Variants in PIGK observed in about 807,000 individuals in gnomAD.
PIGK encodes phosphatidylinositol glycan anchor biosynthesis class K.
A neutral mutation model predicts 50.6 loss-of-function variants in PIGK; 42 were observed. The ratio of observed to expected loss-of-function variants is 0.83; its 90% CI spans 0.65 to 1.07. The LOEUF (loss-of-function observed/expected upper bound fraction) is 1.07, where lower values mean the gene tolerates loss of function less well. PIGK is among the 50% of genes least tolerant of loss of function. PIGK has a pLI of 0.00. For synonymous variants in PIGK, 151 were observed against 156.0 expected (o/e 0.97, Z 0.24); for missense variants, 448 against 488.7 (o/e 0.92, Z 0.78).
At chr1:77,105,165 C>T (rs1165541780) in intron 10 of PIGK, among the ~76,000 whole-genome samples, 2 of 152,028 alleles carry the variant, frequency 1.3e-5, no homozygotes, top group African/African-American at 4.8e-5. Context: ...ACAGAAATGG[C>T]ATGTCATCTT....
intron 10 of PIGK, among the ~76,000 whole-genome samples, chr1:77,110,968 A>C (rs1019005259): frequency 7.9e-5 from 12 of 152,322 alleles, no homozygotes; most frequent in African/African-American, 2.9e-4. Flanking sequence ...ACACTTCTCA[A>C]AAGAAGATAT....
intron 9 of PIGK, among the ~76,000 whole-genome samples, chr1:77,130,182 G>T (rs1570206641): frequency 3.1e-5 from 4 of 130,818 alleles, no homozygotes; most frequent in Admixed American, 7.8e-5. Context: ...AACTTTGTTT[G>T]CATTGTCTTT....
intron 3 of PIGK, among the ~76,000 whole-genome samples, chr1:77,186,643 G>A (rs1056706705): frequency 4.6e-5 from 7 of 152,112 alleles, no homozygotes; most frequent in South Asian, 2.1e-4. Context: ...ATGAGGACCC[G>A]TTCTGTGGAC....
chr1:77,166,692 T>C (rs769087148), intron 5 of PIGK, 27 bp downstream of exon 5: 7 of 1,128,920 alleles, frequency 6.2e-6, no homozygotes, highest in Middle Eastern at 2.0e-4. Flanking sequence ...TATACTCTAC[T>C]ATAAAAACTC....
intron 3 of PIGK, among the ~76,000 whole-genome samples, chr1:77,198,003 G>A (rs1656075120): frequency 6.6e-6 from 1 of 152,030 alleles, no homozygotes; most frequent in South Asian, 2.1e-4. Context: ...AGTTTGCTGA[G>A]TTATCCTCAA....
intron 9 of PIGK, among the ~76,000 whole-genome samples, chr1:77,137,830 C>T (rs1363166645): frequency 6.6e-6 from 1 of 152,210 alleles, no homozygotes; most frequent in African/African-American, 2.4e-5. Context: ...TCGTGAACTA[C>T]TAACCTCAAG....
intron 6 of PIGK, 45 bp from the exon 7 acceptor site, chr1:77,161,756 A>G (rs1353445299): frequency 3.8e-6 from 3 of 795,696 alleles, no homozygotes; most frequent in Non-Finnish European, 6.8e-6. Context: ...CATGCTGTAA[A>G]TCATACACTA....
At position 77,206,555 on chromosome 1, in the gene PIGK, G is replaced by T. The variant is rs1291562576; in HGVS notation, c.239+85C>A. On this transcript the variant is annotated intron_variant, in intron 3 of 10. Coordinates refer to ENST00000370812, the MANE Select transcript of PIGK (RefSeq NM_005482.3). ...ATTTTTTTTTTTACCTTTTTCAAAA[G>T]TAACACAAAATACAAATATAATAAC... is the stretch of plus-strand genomic sequence containing the variant. 3.8e-6 allele frequency: 3 copies of T among 789,232 alleles called. No individual in the cohort carries two copies. In the African/African-American group the frequency reaches 5.3e-5, roughly 14 times the overall value. 48.9% of individuals were successfully genotyped at this position (789,232 alleles called of 1,614,324 possible).
intron 9 of PIGK, among the ~76,000 whole-genome samples, chr1:77,136,386 G>A (rs910937905): frequency 6.6e-6 from 1 of 151,494 alleles, no homozygotes; most frequent in East Asian, 1.9e-4. Flanking sequence ...AAAATTAGCC[G>A]GGCGTAGTGG....
At chr1:77,169,165 A>C (rs905850421) in intron 4 of PIGK, 95 bp downstream of exon 4, 1 of 773,336 alleles carries the variant, frequency 1.3e-6, no homozygotes, top group Non-Finnish European at 1.9e-6. Context: ...AATTAAATTT[A>C]AAGAAAAATA....
chr1:77,173,642 CA>C (rs1288605831), intron 3 of PIGK, among the ~76,000 whole-genome samples: 1 of 151,882 alleles, frequency 6.6e-6, no homozygotes, highest in Non-Finnish European at 1.5e-5. Flanking sequence ...TTAATTAATG[CA>C]AAAAAAGGAT....
chr1:77,199,470 G>C (rs997344125), intron 3 of PIGK, among the ~76,000 whole-genome samples: 1 of 151,948 alleles, frequency 6.6e-6, no homozygotes, highest in Non-Finnish European at 1.5e-5. Context: ...AACTATGATT[G>C]TACATTGCAA....
intron 9 of PIGK, among the ~76,000 whole-genome samples, chr1:77,130,909 G>A (rs943507590): frequency 6.6e-6 from 1 of 151,900 alleles, no homozygotes; most frequent in African/African-American, 2.4e-5. Context: ...GCTGCTTTGA[G>A]GATTAAACAA....
chr1:77,194,223 T>C (rs1655977223), intron 3 of PIGK, among the ~76,000 whole-genome samples: 2 of 152,204 alleles, frequency 1.3e-5, no homozygotes, highest in Non-Finnish European at 1.5e-5. Flanking sequence ...GTTTATACAC[T>C]GCTGGTGGGA....
chr1:77,154,180 G>A, intron 9 of PIGK: 2 of 489,432 alleles, frequency 4.1e-6, no homozygotes, highest in Non-Finnish European at 7.1e-6. Context: ...AAAAGTTTTA[G>A]GCCTTTGTGG....
At position 77,169,355 on chromosome 1, in the gene PIGK, G is replaced by A. The variant is rs769893344; in HGVS notation, c.280C>T (p.Pro94Ser). 1.2e-6 allele frequency: 2 copies of A among 1,606,752 alleles called. No individual in the cohort carries two copies. The highest frequency in any genetic ancestry group is 1.7e-6 in the Non-Finnish European group (2 of 1,175,998). ...LMLADDMACN[P>S]RNPKPATVFS... is the part of the protein sequence containing the mutation. ...ACTGTAGCTGGTTTGGGATTTCTAG[G>A]ATTACAGGCCATATCATCTGCAAGC... The change falls in exon 4 of 11, where the codon CCT (proline) becomes TCT (serine). Residue 94 changes from proline to serine, a missense_variant. Physicochemically the swap from Pro to Ser is moderately conservative, Grantham distance 74. Transcript: ENST00000370812.
chr1:77,192,015 G>C (rs145755800), intron 3 of PIGK, among the ~76,000 whole-genome samples: 18 of 152,162 alleles, frequency 1.2e-4, no homozygotes, highest in Non-Finnish European at 2.5e-4. Flanking sequence ...TTTCACTTTT[G>C]TCCCAGCTAC....
intron 2 of PIGK, 143 bp from the exon 3 acceptor site, chr1:77,206,874 T>C (rs1397442340): frequency 1.9e-6 from 1 of 533,142 alleles, no homozygotes; most frequent in Non-Finnish European, 3.3e-6. Context: ...ACACAAAAAA[T>C]TGTCAGTAAA....
intron 10 of PIGK, among the ~76,000 whole-genome samples, chr1:77,121,999 A>C (rs1423929355): frequency 6.6e-6 from 1 of 152,204 alleles, no homozygotes; most frequent in Non-Finnish European, 1.5e-5. Context: ...AGTTTTCTGA[A>C]ATTAAATTTT....
Sources: gnomAD v4.1 joint callset for allele counts (sites outside exome capture counted in the v4.1 genomes callset) on GRCh38, gnomAD v4.1.1 for gene constraint, MANE v1.5 for transcripts, NCBI Gene and HGNC (gene_info 2026-07-23, HGNC 2026-07-21) for gene names.